Variants in KCNIP4 observed in about 807,000 individuals in gnomAD.
KCNIP4 encodes potassium voltage-gated channel interacting protein 4, also known as Kv channel-interacting protein 4.
A neutral mutation model predicts 34.0 loss-of-function variants in KCNIP4; 12 were observed. That is an observed-to-expected ratio of 0.35 (90% CI 0.23 to 0.57). KCNIP4 has a LOEUF of 0.57. Ranked by LOEUF, KCNIP4 falls within the 20% of genes least tolerant of loss-of-function variation. The probability of loss-of-function intolerance (pLI) is 0.83; values close to 1 mark genes in which losing one functional copy is unlikely to be tolerated. For missense variants in KCNIP4, 238 were observed against 311.7 expected, an observed-to-expected ratio of 0.76 and a Z score of 1.78; for synonymous variants, 124 against 102.2, an observed-to-expected ratio of 1.21 and a Z score of -1.29.
chr4:21,619,134 A>T (rs1193401904), intron 1 of KCNIP4, among the ~76,000 whole-genome samples: 1 of 150,738 alleles, frequency 6.6e-6, no homozygotes, highest in East Asian at 1.9e-4. Flanking sequence ...CAAAGATAGA[A>T]GTTAGTCCAT....
At chr4:21,680,937 C>T (rs1214046927) in intron 1 of KCNIP4, among the ~76,000 whole-genome samples, 1 of 152,104 alleles carries the variant, frequency 6.6e-6, no homozygotes, top group African/African-American at 2.4e-5. Flanking sequence ...GAAGCATTTG[C>T]TGCAACTTAA....
chr4:21,788,265 T>G (rs563289533), intron 1 of KCNIP4, among the ~76,000 whole-genome samples: 5 of 151,884 alleles, frequency 3.3e-5, no homozygotes, highest in Non-Finnish European at 7.4e-5. Context: ...GGAGTTGAGA[T>G]TTTTATGGGA....
intron 1 of KCNIP4, among the ~76,000 whole-genome samples, chr4:21,702,751 G>T (rs1383935347): frequency 6.6e-6 from 1 of 151,986 alleles, no homozygotes; most frequent in African/African-American, 2.4e-5. Context: ...TTCATTTTAT[G>T]AGTACAGTAT....
At chr4:21,009,534 C>T (rs12644707) in intron 1 of KCNIP4, among the ~76,000 whole-genome samples, 7,494 of 152,318 alleles carry the variant, frequency 0.049, 240 homozygotes, top group Admixed American at 0.082. Flanking sequence ...ATTACAGTTA[C>T]TTCCAGCCTG....
chr4:21,579,908 A>G (rs925975180), intron 1 of KCNIP4, among the ~76,000 whole-genome samples: 1 of 152,154 alleles, frequency 6.6e-6, no homozygotes, highest in Non-Finnish European at 1.5e-5. Flanking sequence ...ATGCTTTCCA[A>G]TAAACTCAGT....
At chr4:20,909,726 A>G (rs1219859949) in intron 1 of KCNIP4, among the ~76,000 whole-genome samples, 2 of 152,168 alleles carry the variant, frequency 1.3e-5, no homozygotes, top group Non-Finnish European at 2.9e-5. Context: ...TCTATTCAGG[A>G]CTGGTGAGGT....
intron 3 of KCNIP4, among the ~76,000 whole-genome samples, chr4:20,811,724 A>T (rs912370481): frequency 6.6e-6 from 1 of 152,168 alleles, no homozygotes; most frequent in Non-Finnish European, 1.5e-5. Context: ...AGTCAAGAAG[A>T]CTAGTTAAGA....
intron 1 of KCNIP4, among the ~76,000 whole-genome samples, chr4:21,405,785 C>T (rs1343812003): frequency 6.6e-6 from 1 of 152,196 alleles, no homozygotes; most frequent in Non-Finnish European, 1.5e-5. Flanking sequence ...ATCTCATCAT[C>T]AGGGGGTCTC....
chr4:21,287,270 G>A (rs1428545649), intron 1 of KCNIP4, among the ~76,000 whole-genome samples: 1 of 152,134 alleles, frequency 6.6e-6, no homozygotes, highest in Non-Finnish European at 1.5e-5. Flanking sequence ...AATAAAATAA[G>A]TATCATTTAC....
intron 1 of KCNIP4, among the ~76,000 whole-genome samples, chr4:21,721,838 C>T (rs906305446): frequency 6.6e-6 from 1 of 151,392 alleles, no homozygotes; most frequent in African/African-American, 2.5e-5. Context: ...TAATAATACA[C>T]CAACATAAAA....
intron 1 of KCNIP4, among the ~76,000 whole-genome samples, chr4:21,299,910 C>T (rs1036995516): frequency 6.6e-6 from 1 of 152,126 alleles, no homozygotes; most frequent in Non-Finnish European, 1.5e-5. Flanking sequence ...TACAGTATTA[C>T]AGATATTTGC....
intron 1 of KCNIP4, among the ~76,000 whole-genome samples, chr4:21,764,176 A>G (rs192593988): frequency 1.3e-5 from 2 of 152,250 alleles, no homozygotes; most frequent in African/African-American, 4.8e-5. Flanking sequence ...GCTGGAGATA[A>G]CAAGTAAATG....
intron 1 of KCNIP4, among the ~76,000 whole-genome samples, chr4:21,089,542 T>C (rs1467899655): frequency 6.6e-6 from 1 of 152,198 alleles, no homozygotes; most frequent in Non-Finnish European, 1.5e-5. Flanking sequence ...ATTTTAAGTA[T>C]AACTAAGAAA....
At chr4:21,360,821 C>T (rs944904973) in intron 1 of KCNIP4, among the ~76,000 whole-genome samples, 27 of 152,024 alleles carry the variant, frequency 1.8e-4, no homozygotes, top group African/African-American at 4.6e-4. Flanking sequence ...CTTGCCTAAA[C>T]GGTCATGTTT....
intron 1 of KCNIP4, among the ~76,000 whole-genome samples, chr4:21,099,043 T>G (rs1560718822): frequency 6.6e-6 from 1 of 152,296 alleles, no homozygotes; most frequent in Non-Finnish European, 1.5e-5. Flanking sequence ...CTTCAGCCAT[T>G]GTGGAAGACA....
chr4:21,643,910 A>AGAT (rs1216775066), intron 1 of KCNIP4, among the ~76,000 whole-genome samples: 1 of 142,190 alleles, frequency 7.0e-6, no homozygotes, highest in East Asian at 3.2e-4. Context: ...ATAGATAGAT[A>AGAT]GATAGACTGG....
chr4:21,104,263 C>G, intron 1 of KCNIP4, among the ~76,000 whole-genome samples: 1 of 151,916 alleles, frequency 6.6e-6, no homozygotes, highest in South Asian at 2.1e-4. Context: ...CTGTTTTTTC[C>G]TGACATTTTA....
intron 1 of KCNIP4, among the ~76,000 whole-genome samples, chr4:21,219,411 G>C (rs1757831779): frequency 6.6e-6 from 1 of 152,088 alleles, no homozygotes; most frequent in African/African-American, 2.4e-5. Flanking sequence ...GGAATTATTG[G>C]GTCTGATATT....
At chr4:21,230,709 C>T (rs1355507640) in intron 1 of KCNIP4, among the ~76,000 whole-genome samples, 1 of 152,126 alleles carries the variant, frequency 6.6e-6, no homozygotes. Flanking sequence ...CTTTTTATGG[C>T]TGCATAGTAT....
Sources: gnomAD v4.1 joint callset for allele counts (sites outside exome capture counted in the v4.1 genomes callset) on GRCh38, gnomAD v4.1.1 for gene constraint, MANE v1.5 for transcripts, NCBI Gene and HGNC (gene_info 2026-07-23, HGNC 2026-07-21) for gene names.